EEF2K: variants seen among roughly 807,000 people sequenced by gnomAD.
EEF2K encodes the protein alternative protein EEF2K.
EEF2K carries 70 observed loss-of-function variants against 93.8 expected under a neutral mutation model. The ratio of observed to expected loss-of-function variants is 0.75; its 90% confidence interval spans 0.62 to 0.91. The LOEUF (loss-of-function observed/expected upper bound fraction) is 0.91. EEF2K is among the 40% of genes least tolerant of loss of function. EEF2K has a pLI of 0.00. For synonymous variants in EEF2K, 376 were observed against 380.8 expected (o/e 0.99, Z 0.15); for missense variants, 935 against 972.9 (o/e 0.96, Z 0.52).
chr16:22,229,130 T>G (rs72640485), intron 2 of EEF2K, among the ~76,000 whole-genome samples: 28,747 of 151,702 alleles, frequency 0.19, 3,899 homozygotes, highest in East Asian at 0.82. Context: ...CAGAGGAGAC[T>G]CCATCTCAAA....
chr16:22,220,269 G>A (rs966079073), intron 1 of EEF2K, among the ~76,000 whole-genome samples: 24 of 152,204 alleles, frequency 1.6e-4, no homozygotes, highest in African/African-American at 5.8e-4. Context: ...TGCCAGGCAG[G>A]GTCACAGCTG....
At chr16:22,279,646 GTT>G (rs1302125661) in intron 16 of EEF2K, among the ~76,000 whole-genome samples, 1 of 151,678 alleles carries the variant, frequency 6.6e-6, no homozygotes, top group Non-Finnish European at 1.5e-5. Context: ...TTGTGTTTTT[GTT>G]TTTTTGTAGA....
At position 22,256,795 on chromosome 16, in the gene EEF2K, C is replaced by G; in HGVS notation, c.666C>G (p.Gly222=). The G allele has an allele frequency of 1.2e-6, 2 of 1,614,184 alleles. No individual in the cohort carries two copies. Among genetic ancestry groups the G allele is most frequent in the Non-Finnish European group, 1.7e-6 (2 of 1,180,034 alleles). ...TCATCGAGCTGAAGGACAGACCGGG[C>G]AAGCCCCTCTTCCACCTGGAGCACT... ...MCIIELKDRP[G]KPLFHLEHYI... is the part of the protein sequence containing the mutation. Residue 222 remains glycine, a synonymous_variant, in exon 7 of 18, where the codon GGC becomes GGG. Transcript: ENST00000263026.
chr16:22,251,422 T>C, intron 6 of EEF2K, 100 bp downstream of exon 6: 2 of 1,414,278 alleles, frequency 1.4e-6, no homozygotes, highest in Non-Finnish European at 1.9e-6. Context: ...CCTTCTTTTT[T>C]TTTTTTTTTG....
At chr16:22,265,344 C>T (rs2047506847) in intron 13 of EEF2K, 1 of 157,822 alleles carries the variant, frequency 6.3e-6, no homozygotes, top group Non-Finnish European at 1.4e-5. Flanking sequence ...CCCCACCCAC[C>T]CCTCTAAGTG....
chr16:22,214,548 C>T (rs1293129680), intron 1 of EEF2K, among the ~76,000 whole-genome samples: 5 of 151,834 alleles, frequency 3.3e-5, no homozygotes, highest in Admixed American at 3.3e-4. Flanking sequence ...ACCTGTAGTC[C>T]CAGGTACAAT....
intron 16 of EEF2K, among the ~76,000 whole-genome samples, chr16:22,279,723 A>C (rs1050607033): frequency 6.6e-6 from 1 of 152,088 alleles, no homozygotes; most frequent in Non-Finnish European, 1.5e-5. Context: ...GGCCGAGCAC[A>C]GTGGCTCATG....
intron 6 of EEF2K, among the ~76,000 whole-genome samples, chr16:22,252,984 C>T (rs1461208434): frequency 6.6e-6 from 1 of 152,150 alleles, no homozygotes; most frequent in African/African-American, 2.4e-5. Flanking sequence ...ATGGGAGCTA[C>T]AATTCAAGAT....
chr16:22,215,271 A>G (rs1045208066), intron 1 of EEF2K, among the ~76,000 whole-genome samples: 6 of 151,958 alleles, frequency 3.9e-5, no homozygotes, highest in Non-Finnish European at 7.4e-5. Context: ...TTTCCTTTTG[A>G]TTTAGTTCTA....
rs1179337075 is a variant in EEF2K, at chr16:22,257,030, C to T, written c.768+133C>T. ...CCCCAGAGAAGCCTCTTGGAGCATTCAGAAGGAGACCCGTCACCCCATGAC... is the reference window on the plus strand; with the variant it reads ...CCCCAGAGAAGCCTCTTGGAGCATTTAGAAGGAGACCCGTCACCCCATGAC... On this transcript the variant is annotated intron_variant, in intron 7 of 17. Transcript: ENST00000263026. 2.8e-6 allele frequency: 4 copies of T among 1,441,430 alleles called. No homozygotes were observed. In the Admixed American group the frequency reaches 9.4e-5, roughly 34 times the overall value. 89.3% of individuals were successfully genotyped at this position (1,441,430 alleles called of 1,614,324 possible).
chr16:22,229,437 G>A (rs1481554359), intron 2 of EEF2K, among the ~76,000 whole-genome samples: 1 of 152,170 alleles, frequency 6.6e-6, no homozygotes, highest in African/African-American at 2.4e-5. Context: ...GGGAGAAGCC[G>A]GGCGCGGTGG....
intron 17 of EEF2K, among the ~76,000 whole-genome samples, chr16:22,283,060 G>C (rs954484950): frequency 6.6e-6 from 1 of 152,122 alleles, no homozygotes; most frequent in African/African-American, 2.4e-5. Flanking sequence ...TGTAATCCCA[G>C]CACTTTGGGA....
At chr16:22,259,468 C>G (rs2047441237) in intron 10 of EEF2K, among the ~76,000 whole-genome samples, 1 of 152,258 alleles carries the variant, frequency 6.6e-6, no homozygotes, top group Non-Finnish European at 1.5e-5. Flanking sequence ...TAGTCTGGAA[C>G]AGGAGTCAAC....
chr16:22,222,775 T>C (rs1400808306), intron 1 of EEF2K, among the ~76,000 whole-genome samples: 1 of 151,190 alleles, frequency 6.6e-6, no homozygotes, highest in Non-Finnish European at 1.5e-5. Context: ...TCCCAGCTAT[T>C]TGGGAGGCTG....
rs1022705701 is a variant in EEF2K, at chr16:22,275,449, T to G, written c.1889+1699T>G. On this transcript the variant is annotated intron_variant, in intron 16 of 17. Coordinates refer to ENST00000263026, the MANE Select transcript of EEF2K (RefSeq NM_013302.5). Reference sequence around the variant, plus strand: ...CCTCCACCTCCTGGGTTCAAGTGATTCTCCTGCCTCAGCCTCCCAAGTAGC... The same window carrying G: ...CCTCCACCTCCTGGGTTCAAGTGATGCTCCTGCCTCAGCCTCCCAAGTAGC... 5.9e-5 allele frequency among the ~76,000 whole-genome samples: 9 copies of G among 152,060 alleles called. No homozygotes were observed. The East Asian group carries it at 7.7e-4, about 13-fold the overall frequency.
intron 1 of EEF2K, among the ~76,000 whole-genome samples, chr16:22,223,262 G>GTTTTTTTTTTTTTTTTTTT (rs58446693): frequency 9.3e-6 from 1 of 107,478 alleles, no homozygotes. Flanking sequence ...GTTTTTTTCT[G>GTTTTTTTTTTTTTTTTTTT]TTTTTTTTTT....
At position 22,260,517 on chromosome 16, in the gene EEF2K, A is replaced by G. The variant is rs1225751387; in HGVS notation, c.1287A>G (p.Leu429=). The G allele has an allele frequency of 1.2e-6, 2 of 1,613,990 alleles. No individual in the cohort carries two copies. The highest frequency in any genetic ancestry group is 8.5e-7 in the Non-Finnish European group (1 of 1,180,018). The change falls in exon 11 of 18, where the codon CTA becomes CTG. Residue 429 remains leucine, a synonymous_variant. Transcript: ENST00000263026. ...TGGCATCCAGAGACCATGATCATCT[A>G]GACAACCACCGGGTGAGTGTGAAGG... is the stretch of plus-strand genomic sequence containing the variant. ...DNMASRDHDH[L]DNHRESENSG...
chr16:22,277,858 C>A (rs2141687819), intron 16 of EEF2K, among the ~76,000 whole-genome samples: 1 of 151,674 alleles, frequency 6.6e-6, no homozygotes, highest in African/African-American at 2.4e-5. Context: ...TATCAGTATG[C>A]CAGCGTCTTG....
In EEF2K at chr16:22,288,333, G is replaced by C. The variant is rs1284933359; in HGVS notation, c.*4337G>C. ...TAAAATTATTTTTTGCAGAGACAGA[G>C]TTTCACTATGTTGCCCAGGCTGGTC... is the stretch of plus-strand genomic sequence containing the variant. On this transcript the variant is annotated 3_prime_UTR_variant, in exon 18 of 18. Coordinates refer to ENST00000263026, the MANE Select transcript of EEF2K (RefSeq NM_013302.5). 2 of 152,320 alleles carry C rather than the reference G, an allele frequency of 1.3e-5. No homozygotes were observed. Among genetic ancestry groups the C allele is most frequent in the East Asian group, 3.9e-4 (2 of 5,170 alleles). The allele number at this position is 152,320 out of a possible 1,614,324, so 9.4% of individuals were successfully genotyped here. A position where few individuals can be genotyped will look rare whatever the true frequency, so the allele number is the denominator to read the frequency against.
Sources: allele counts gnomAD v4.1 joint callset (sites outside exome capture counted in the v4.1 genomes callset), GRCh38; gene constraint gnomAD v4.1.1; transcripts MANE v1.5; gene names NCBI Gene and HGNC (gene_info 2026-07-23, HGNC 2026-07-21).